Variants in ABL2 observed in about 807,000 individuals in gnomAD.
ABL2 encodes tyrosine-protein kinase ABL2.
A neutral mutation model predicts 107.7 loss-of-function variants in ABL2; 49 were observed. The ratio of observed to expected loss-of-function variants is 0.45; its 90% CI spans 0.36 to 0.58. The LOEUF (loss-of-function observed/expected upper bound fraction) is 0.58. Ranked by LOEUF, ABL2 falls within the 20% of genes least tolerant of loss-of-function variation. The probability of loss-of-function intolerance (pLI) is 0.00; values close to 1 mark genes in which losing one functional copy is unlikely to be tolerated. For missense variants in ABL2, 1,245 were observed against 1,457.0 expected (o/e 0.85, Z 2.37); for synonymous variants, 549 against 548.6 (o/e 1.00, Z -0.01).
At chr1:179,130,986 G>A (rs1856967) in intron 3 of ABL2, among the ~76,000 whole-genome samples, 45,942 of 150,564 alleles carry the variant, frequency 0.31, 7,846 homozygotes, top group East Asian at 0.44. Context: ...TGTCACCCAG[G>A]CTGGAGTGCA....
chr1:179,215,464 T>G (rs1662509734), intron 1 of ABL2, among the ~76,000 whole-genome samples: 1 of 152,212 alleles, frequency 6.6e-6, no homozygotes, highest in Non-Finnish European at 1.5e-5. Context: ...CCAGGCACTG[T>G]GGCTCACGCC....
chr1:179,110,131 T>C, intron 11 of ABL2, 151 bp downstream of exon 11: 2 of 890,436 alleles, frequency 2.2e-6, no homozygotes, highest in Admixed American at 2.4e-5. Flanking sequence ...GTATGTTGGA[T>C]GGATAGCCAA....
At position 179,103,490 on chromosome 1, in the gene ABL2, G is replaced by C. The variant is rs909112947; in HGVS notation, c.*4228C>G. On this transcript the variant is annotated 3_prime_UTR_variant, in exon 12 of 12. Coordinates refer to ENST00000502732, the MANE Select transcript of ABL2 (RefSeq NM_007314.4). ...CAATAAAGTTTTTTTAAAGAAAAGGGAATGTAGGACTAACTAGGTTTTTTA... is the reference window on the plus strand; with the variant it reads ...CAATAAAGTTTTTTTAAAGAAAAGGCAATGTAGGACTAACTAGGTTTTTTA... 1.2e-4 allele frequency: 26 copies of C among 209,144 alleles called. No homozygotes were observed. The highest frequency in any genetic ancestry group is 3.8e-4 in the South Asian group (2 of 5,332). The allele number at this position is 209,144 out of a possible 1,614,324, so 13.0% of individuals were successfully genotyped here.
Position 179,102,413 on chromosome 1 carries a change from C to G in ABL2, c.*5305G>C, listed in dbSNP as rs1318645135. 1 of 219,440 alleles carries G rather than the reference C, an allele frequency of 4.6e-6. No individual in the cohort carries two copies. The highest frequency in any genetic ancestry group is 2.2e-5 in the African/African-American group (1 of 44,554). 13.6% of individuals were successfully genotyped at this position (219,440 alleles called of 1,614,324 possible). A position where few individuals can be genotyped will look rare whatever the true frequency, so the allele number is the denominator to read the frequency against. On this transcript the variant is annotated 3_prime_UTR_variant, in exon 12 of 12. Coordinates refer to ENST00000502732, the MANE Select transcript of ABL2 (RefSeq NM_007314.4). ...GAGACGTTTCAGAAGTTCTCACATACTCCTACGGATCCCAGACTGAAGCAG... is the reference window on the plus strand; with the variant it reads ...GAGACGTTTCAGAAGTTCTCACATAGTCCTACGGATCCCAGACTGAAGCAG...
intron 1 of ABL2, among the ~76,000 whole-genome samples, chr1:179,150,211 A>G (rs1330779866): frequency 6.6e-6 from 1 of 152,214 alleles, no homozygotes; most frequent in Non-Finnish European, 1.5e-5. Context: ...CAGCCTGGGC[A>G]GCAAAGCAAG....
intron 1 of ABL2, among the ~76,000 whole-genome samples, chr1:179,223,134 C>A (rs1463232610): frequency 2.1e-5 from 3 of 142,422 alleles, no homozygotes; most frequent in Non-Finnish European, 4.6e-5. Flanking sequence ...AAAAAAAAGT[C>A]CAGATGCAGG....
Position 179,108,340 on chromosome 1 carries a change from C to A in ABL2, c.2927G>T (p.Arg976Leu), listed in dbSNP as rs1334335439. ...TGGGGCACACTTTGGTTTTACCCGTCGGGGTCGGTCCTTGTCTCCAGAGGA... is the reference window on the plus strand; with the variant it reads ...TGGGGCACACTTTGGTTTTACCCGTAGGGGTCGGTCCTTGTCTCCAGAGGA... ...VTSSGDKDRP[R>L]RVKPKCAPPP... Residue 976 changes from arginine to leucine, a missense_variant, in exon 12 of 12, where the codon CGA becomes CTA. Transcript: ENST00000502732. 13 of 1,614,176 alleles carry A rather than the reference C, an allele frequency of 8.1e-6. No individual in the cohort carries two copies. Among genetic ancestry groups the A allele is most frequent in the Non-Finnish European group, 1.1e-5 (13 of 1,180,038 alleles).
At chr1:179,222,168 G>T (rs566705129) in intron 1 of ABL2, 2 of 156,838 alleles carry the variant, frequency 1.3e-5, no homozygotes, top group South Asian at 1.9e-4. Flanking sequence ...GATACTCTGC[G>T]GAAAGTGTTA....
At chr1:179,127,839 CT>C (rs1318222965) in intron 3 of ABL2, among the ~76,000 whole-genome samples, 1 of 152,010 alleles carries the variant, frequency 6.6e-6, no homozygotes, top group African/African-American at 2.4e-5. Flanking sequence ...CAAAACCAGC[CT>C]GGCCAACATG....
chr1:179,183,362 A>G (rs897456661), intron 1 of ABL2, among the ~76,000 whole-genome samples: 6 of 152,168 alleles, frequency 3.9e-5, no homozygotes, highest in African/African-American at 1.4e-4. Context: ...ATTTATAACA[A>G]CAACAACAAC....
At position 179,110,335 on chromosome 1, in the gene ABL2, T is replaced by C; in HGVS notation, c.1772A>G (p.Asn591Ser). The C allele has an allele frequency of 6.2e-7, 1 of 1,614,232 alleles. No individual in the cohort carries two copies. The highest frequency in any genetic ancestry group is 8.5e-7 in the Non-Finnish European group (1 of 1,180,054). Reference sequence around the variant, plus strand: ...TGTGGCATCTTGTGCCCCTTCAATGTTCTCCTTGTTCTCCACCTGTTTCTT... The same window carrying C: ...TGTGGCATCTTGTGCCCCTTCAATGCTCTCCTTGTTCTCCACCTGTTTCTT... ...TLKKQVENKE[N>S]IEGAQDATEN... is the part of the protein sequence containing the mutation. The change falls in exon 11 of 12, where the codon AAC (asparagine) becomes AGC (serine). Residue 591 changes from asparagine to serine, a missense_variant. This residue lies in a region of ABL2 where 761 missense variants were observed against 766.4 expected (regional missense o/e 0.99). Coordinates refer to ENST00000502732, the MANE Select transcript of ABL2 (RefSeq NM_007314.4).
At position 179,126,701 on chromosome 1, in the gene ABL2, G is replaced by C. The variant is rs1318023270; in HGVS notation, c.392-29C>G. The C allele has an allele frequency of 6.3e-7, 1 of 1,579,944 alleles. No homozygotes were observed. The highest frequency in any genetic ancestry group is 8.7e-7 in the Non-Finnish European group (1 of 1,156,066). The stretch of plus-strand genomic sequence containing the variant: ...GCCATAAGGTCATCACAGGATGAAA[G>C]AAACGATGTTAAGACTTTATTTCAA... On this transcript the variant is annotated intron_variant, in intron 3 of 11. Coordinates refer to ENST00000502732, the MANE Select transcript of ABL2 (RefSeq NM_007314.4). This position sits in a 1 kb window ranked among gnomAD's most constrained non-coding sequence, Gnocchi z 4.4.
chr1:179,191,759 A>AT (rs751439329), intron 1 of ABL2, among the ~76,000 whole-genome samples: 10 of 152,272 alleles, frequency 6.6e-5, no homozygotes, highest in Non-Finnish European at 8.8e-5. Context: ...TTCTGCTATC[A>AT]TTTAAATAAT....
At chr1:179,201,586 AG>A in intron 1 of ABL2, 2 of 383,016 alleles carry the variant, frequency 5.2e-6, no homozygotes, top group South Asian at 2.6e-5. Flanking sequence ...TTTGGGGAAC[AG>A]GGCTGGTTAT....
intron 1 of ABL2, among the ~76,000 whole-genome samples, chr1:179,158,617 A>G (rs541226813): frequency 3.1e-4 from 47 of 152,332 alleles, no homozygotes; most frequent in Non-Finnish European, 4.7e-4. Context: ...GTCCTTTTCC[A>G]TGATGAGGGA....
chr1:179,133,350 T>C lies in ABL2; in HGVS notation c.182A>G (p.Asp61Gly). The C allele has an allele frequency of 6.2e-7, 1 of 1,613,966 alleles. No individual in the cohort carries two copies. The highest frequency in any genetic ancestry group is 8.5e-7 in the Non-Finnish European group (1 of 1,179,992). Residue 61 changes from aspartate to glycine, a missense_variant, in exon 2 of 12, where the codon GAT becomes GGT. This residue lies in a region of ABL2 where 164 missense variants were observed against 143.7 expected (regional missense o/e 1.14). Coordinates refer to ENST00000502732, the MANE Select transcript of ABL2 (RefSeq NM_007314.4). The stretch of plus-strand genomic sequence containing the variant: ...TCCAGTCTTGTCTCCCTCAAATCCA[T>C]CCTCCACACAGCTGGCAAAGTGATC... ...QHDHFASCVE[D>G]GFEGDKTGGS...
chr1:179,205,230 T>C (rs1661898141), intron 1 of ABL2, among the ~76,000 whole-genome samples: 1 of 152,104 alleles, frequency 6.6e-6, no homozygotes, highest in South Asian at 2.1e-4. Flanking sequence ...TTTCACCATG[T>C]TGGTCAGGCT....
chr1:179,181,764 T>C (rs1382605807), intron 1 of ABL2, among the ~76,000 whole-genome samples: 1 of 151,906 alleles, frequency 6.6e-6, no homozygotes. Flanking sequence ...TGAACTATCT[T>C]TTTTTAATTT....
At chr1:179,164,253 G>C (rs1659253043) in intron 1 of ABL2, among the ~76,000 whole-genome samples, 1 of 152,130 alleles carries the variant, frequency 6.6e-6, no homozygotes, top group Non-Finnish European at 1.5e-5. Flanking sequence ...TTTCATGCCA[G>C]TTATATGTAA....
Sources: allele counts gnomAD v4.1 joint callset (sites outside exome capture counted in the v4.1 genomes callset), GRCh38; gene constraint gnomAD v4.1.1; regional missense constraint gnomAD v4.1.1; non-coding constraint Gnocchi (gnomAD v3.1); transcripts MANE v1.5; gene names NCBI Gene and HGNC (gene_info 2026-07-23, HGNC 2026-07-21).